MAK16: variants seen among roughly 807,000 people sequenced by gnomAD.
MAK16 encodes MAK16 homolog.
Under a neutral mutation model 49.9 loss-of-function variants are expected in MAK16, and 12 were observed. The ratio of observed to expected loss-of-function variants is 0.24; its 90% CI spans 0.15 to 0.39. The LOEUF (loss-of-function observed/expected upper bound fraction) is 0.39. MAK16 is among the 10% of genes least tolerant of loss of function. The pLI is 1.00. For missense variants in MAK16, 292 were observed against 363.7 expected (o/e 0.80, Z 1.60); for synonymous variants, 115 against 126.4 (o/e 0.91, Z 0.60).
rs1296892613 is a variant in MAK16 at position 33,500,606 on chromosome 8, C to G, written c.*1977C>G. ...ATTTCCTAAATTAAGGAACTTAGGT[C>G]AAAGTTAAATGAAAAAGACCTAAAA... is the stretch of plus-strand genomic sequence containing the variant. On this transcript the variant is annotated 3_prime_UTR_variant, in exon 10 of 10. Transcript: ENST00000360128. 28 of 1,296,544 alleles carry G rather than the reference C, an allele frequency of 2.2e-5. No homozygotes were observed. Among genetic ancestry groups the G allele is most frequent in the Non-Finnish European group, 2.8e-5 (27 of 947,374 alleles). 80.3% of individuals were successfully genotyped at this position (1,296,544 alleles called of 1,614,324 possible).
In MAK16 at chr8:33,500,522, T is replaced by A. The variant is rs763411439; in HGVS notation, c.*1893T>A. 6.2e-7 allele frequency: 1 copy of A among 1,611,886 alleles called. No homozygotes were observed. The highest frequency in any genetic ancestry group is 1.1e-5 in the South Asian group (1 of 90,840). ...TCAGGAAGAAAAGCTATGTTCATAC[T>A]CTAAATCTGGATATTAAAATTGGAA... On this transcript the variant is annotated 3_prime_UTR_variant, in exon 10 of 10. Coordinates refer to ENST00000360128, the MANE Select transcript of MAK16 (RefSeq NM_032509.4).
rs914287970 is a variant in MAK16, at chr8:33,501,081, C to T, written c.*2452C>T. On this transcript the variant is annotated 3_prime_UTR_variant, in exon 10 of 10. Coordinates refer to ENST00000360128, the MANE Select transcript of MAK16 (RefSeq NM_032509.4). ...CAGAAATGGACAATGCTAGTGACTG[C>T]ACAATATTGTGACTGTACTTAATGC... 3.3e-5 allele frequency: 5 copies of T among 153,172 alleles called. No homozygotes were observed. Among genetic ancestry groups the T allele is most frequent in the Non-Finnish European group, 1.5e-5 (1 of 68,802 alleles). 9.5% of individuals were successfully genotyped at this position (153,172 alleles called of 1,614,324 possible). A position where few individuals can be genotyped will look rare whatever the true frequency, so the allele number is the denominator to read the frequency against.
chr8:33,487,957 T>G (rs900268138), intron 1 of MAK16, among the ~76,000 whole-genome samples: 1 of 151,866 alleles, frequency 6.6e-6, no homozygotes, highest in Non-Finnish European at 1.5e-5. Flanking sequence ...AGACGGAGTT[T>G]CACTCTTGTT....
intron 1 of MAK16, chr8:33,485,539 G>GT: frequency 2.3e-6 from 1 of 438,486 alleles, no homozygotes; most frequent in East Asian, 3.7e-5. Context: ...CGGACTTGGG[G>GT]TGGGGGGCGG....
rs1403554777 is a variant in MAK16, at chr8:33,488,728, C to T, written c.176-6C>T. 1 of 1,614,114 alleles carries T rather than the reference C, an allele frequency of 6.2e-7. No homozygotes were observed. The highest frequency in any genetic ancestry group is 8.5e-7 in the Non-Finnish European group (1 of 1,179,978). ...TAACACTAAAGCTATTTTACTTTAT[C>T]TTCAGGACAGTGCTACTTGTATATG... On this transcript the variant is annotated splice_polypyrimidine_tract_variant and splice_region_variant and intron_variant, in intron 3 of 9. Coordinates refer to ENST00000360128, the MANE Select transcript of MAK16 (RefSeq NM_032509.4).
intron 6 of MAK16, among the ~76,000 whole-genome samples, chr8:33,490,673 C>T (rs1808763485): frequency 6.6e-6 from 1 of 152,118 alleles, no homozygotes. Context: ...AGATTTTGAG[C>T]ATTCTAATCA....
Position 33,497,256 on chromosome 8 carries a change from G to A in MAK16, c.664G>A (p.Glu222Lys), listed in dbSNP as rs200109317. The A allele has an allele frequency of 8.1e-6, 13 of 1,610,252 alleles. No homozygotes were observed. The highest frequency in any genetic ancestry group is 3.3e-5 in the Admixed American group (2 of 59,760). Residue 222 changes from glutamate to lysine, a missense_variant, in exon 9 of 10, where the codon GAA (glutamate) becomes AAA (lysine). Physicochemically the swap from Glu to Lys is moderately conservative, Grantham distance 56. Coordinates refer to ENST00000360128, the MANE Select transcript of MAK16 (RefSeq NM_032509.4). ...EEDVGKREFVEDGEVDESDIS... is the reference protein window; with the variant it reads ...EEDVGKREFVKDGEVDESDIS... ...GGATGTGGGGAAAAGAGAATTTGTC[G>A]AAGATGGTGAGGTAGATGAGAGTGA...
chr8:33,485,346 C>A, intron 1 of MAK16, 125 bp downstream of exon 1: 1 of 1,289,340 alleles, frequency 7.8e-7, no homozygotes, highest in Admixed American at 1.8e-5. Context: ...GTGAGGCTTC[C>A]GGAACCCCGA....
rs565471443 is a variant in MAK16, at chr8:33,500,078, C to CT, written c.*1450dup. 99 of 413,832 alleles carry CT rather than the reference C, an allele frequency of 2.4e-4. 1 individual carries two copies. The East Asian group carries it at 3.0e-3, about 12-fold the overall frequency. The allele number at this position is 413,832 out of a possible 1,614,324, so 25.6% of individuals were successfully genotyped here. A position where few individuals can be genotyped will look rare whatever the true frequency, so the allele number is the denominator to read the frequency against. ...ATCATAATGCTTTTGCCCATACTGTCTCGTCCTTAGCCCCAGTGACATGTG... is the reference window on the plus strand; with the variant it reads ...ATCATAATGCTTTTGCCCATACTGTCTTCGTCCTTAGCCCCAGTGACATGTG... On this transcript the variant is annotated 3_prime_UTR_variant, in exon 10 of 10. Coordinates refer to ENST00000360128, the MANE Select transcript of MAK16 (RefSeq NM_032509.4).
At chr8:33,494,917 T>C (rs1022195351) in intron 6 of MAK16, among the ~76,000 whole-genome samples, 3 of 152,162 alleles carry the variant, frequency 2.0e-5, no homozygotes, top group Non-Finnish European at 4.4e-5. Context: ...TAGCTGGGAC[T>C]ATAGGCGCCC....
chr8:33,498,321 G>T, intron 9 of MAK16, 111 bp from the exon 10 acceptor site: 3 of 771,850 alleles, frequency 3.9e-6, no homozygotes, highest in Non-Finnish European at 4.0e-6. Context: ...TCTGAACACA[G>T]ACATAGACAA....
rs1441254607 is a variant in MAK16, at chr8:33,500,692, A to G, written c.*2063A>G. 5.3e-6 allele frequency: 3 copies of G among 563,650 alleles called. No homozygotes were observed. The highest frequency in any genetic ancestry group is 3.2e-5 in the East Asian group (1 of 31,078). 34.9% of individuals were successfully genotyped at this position (563,650 alleles called of 1,614,324 possible). ...CAAGTCTCCTGTTAGCATACTGCCT[A>G]TACACACAGACACACCCTCTGCCAC... On this transcript the variant is annotated 3_prime_UTR_variant, in exon 10 of 10. Coordinates refer to ENST00000360128, the MANE Select transcript of MAK16 (RefSeq NM_032509.4).
intron 6 of MAK16, among the ~76,000 whole-genome samples, chr8:33,494,052 T>G (rs910578149): frequency 6.6e-6 from 1 of 152,220 alleles, no homozygotes; most frequent in African/African-American, 2.4e-5. Flanking sequence ...AAATTTGGAA[T>G]ATTTTTCTTT....
intron 9 of MAK16, among the ~76,000 whole-genome samples, chr8:33,497,499 A>C (rs954033153): frequency 4.6e-5 from 7 of 151,668 alleles, no homozygotes; most frequent in Admixed American, 3.9e-4. Context: ...TAAAAAAAAA[A>C]ATTTTTTTTT....
intron 1 of MAK16, 171 bp downstream of exon 1, chr8:33,485,392 G>A: frequency 1.2e-6 from 1 of 846,334 alleles, no homozygotes. Context: ...GTCTAGCAGG[G>A]GTTTACTGCC....
chr8:33,500,552 CT>C lies in MAK16; in HGVS notation c.*1925del. On this transcript the variant is annotated 3_prime_UTR_variant, in exon 10 of 10. Coordinates refer to ENST00000360128, the MANE Select transcript of MAK16 (RefSeq NM_032509.4). ...ATCTGGATATTAAAATTGGAAGAGA[CT>C]TCAAAGACTGTCAAGTGGAAAGCTA... 6.3e-7 allele frequency: 1 copy of C among 1,585,360 alleles called. No homozygotes were observed. Among genetic ancestry groups the C allele is most frequent in the Non-Finnish European group, 8.6e-7 (1 of 1,159,826 alleles).
intron 1 of MAK16, among the ~76,000 whole-genome samples, chr8:33,487,201 A>G (rs1308171246): frequency 6.6e-6 from 1 of 152,106 alleles, no homozygotes; most frequent in Non-Finnish European, 1.5e-5. Context: ...TCCCCTAACT[A>G]GATAGACGAA....
chr8:33,487,446 G>A (rs542429173), intron 1 of MAK16, among the ~76,000 whole-genome samples: 3 of 146,940 alleles, frequency 2.0e-5, no homozygotes, highest in Admixed American at 6.8e-5. Flanking sequence ...TTTTTTTGGA[G>A]ATGGATTCTC....
intron 1 of MAK16, among the ~76,000 whole-genome samples, chr8:33,486,076 T>C (rs1443497900): frequency 6.6e-6 from 1 of 152,184 alleles, no homozygotes; most frequent in African/African-American, 2.4e-5. Context: ...ATAAGGGTCA[T>C]CAAAGTGACA....
Sources: gnomAD v4.1 joint callset for allele counts (sites outside exome capture counted in the v4.1 genomes callset) on GRCh38, gnomAD v4.1.1 for gene constraint, MANE v1.5 for transcripts, NCBI Gene and HGNC (gene_info 2026-07-23, HGNC 2026-07-21) for gene names.